NFIB: variants seen among roughly 807,000 people sequenced by gnomAD.
The protein encoded by NFIB is nuclear factor I B, also known as nuclear factor 1 B-type.
NFIB carries 11 observed loss-of-function variants against 61.5 expected under a neutral mutation model. The ratio of observed to expected loss-of-function variants is 0.18; its 90% CI spans 0.11 to 0.30. The LOEUF is 0.30. NFIB is among the 10% of genes least tolerant of loss of function. The pLI is 1.00. For synonymous variants in NFIB, 260 were observed against 216.5 expected, an observed-to-expected ratio of 1.20 and a Z score of -1.76; for missense variants, 471 against 608.9, an observed-to-expected ratio of 0.77 and a Z score of 2.38.
chr9:14,180,673 G>A (rs1301224962), intron 2 of NFIB: 1 of 152,082 alleles, frequency 6.6e-6, no homozygotes, highest in Non-Finnish European at 1.5e-5. Flanking sequence ...GAGTTGCTTT[G>A]TAATCTTCTT....
intron 4 of NFIB, among the ~76,000 whole-genome samples, chr9:14,150,658 G>T (rs1056293940): frequency 6.6e-6 from 1 of 151,848 alleles, no homozygotes; most frequent in African/African-American, 2.4e-5. Flanking sequence ...CTAGGCTCTC[G>T]AAAACCAAAT....
At chr9:14,164,057 C>G (rs750192795) in intron 3 of NFIB, among the ~76,000 whole-genome samples, 1 of 151,104 alleles carries the variant, frequency 6.6e-6, no homozygotes, top group Non-Finnish European at 1.5e-5. Context: ...GCATCACAAC[C>G]ACCCCAAAAA....
At chr9:14,276,026 T>C (rs1047240056) in intron 2 of NFIB, among the ~76,000 whole-genome samples, 1 of 152,134 alleles carries the variant, frequency 6.6e-6, no homozygotes, top group African/African-American at 2.4e-5. Flanking sequence ...TACCAATTTA[T>C]ACTGAAATAT....
chr9:14,349,280 G>A (rs1224988062), intron 1 of NFIB, among the ~76,000 whole-genome samples: 1 of 152,178 alleles, frequency 6.6e-6, no homozygotes, highest in Non-Finnish European at 1.5e-5. Flanking sequence ...GCTGGGCCCT[G>A]GGGCTGGAAG....
chr9:14,248,028 A>G (rs1228081489), intron 2 of NFIB, among the ~76,000 whole-genome samples: 1 of 149,976 alleles, frequency 6.7e-6, no homozygotes, highest in African/African-American at 2.5e-5. Context: ...GAACTCCTGG[A>G]CTCAAGCAAT....
rs1466091761 is a variant in NFIB at position 14,087,234 on chromosome 9, CTG to C, written c.*1073_*1074del. 4 of 203,232 alleles carry C rather than the reference CTG, an allele frequency of 2.0e-5. No individual in the cohort carries two copies. The highest frequency in any genetic ancestry group is 1.9e-4 in the South Asian group (1 of 5,248). The allele number at this position is 203,232 out of a possible 1,614,324, so 12.6% of individuals were successfully genotyped here. ...GGCTGCAGCTAAACCAACATAAGTGCTGTGTTTTCATTAATTTTATTTTTCTC... is the reference window on the plus strand; with the variant it reads ...GGCTGCAGCTAAACCAACATAAGTGCTGTTTTCATTAATTTTATTTTTCTC... On this transcript the variant is annotated 3_prime_UTR_variant, in exon 11 of 11. Transcript: ENST00000380953.
intron 2 of NFIB, among the ~76,000 whole-genome samples, chr9:14,256,722 C>T (rs1458479310): frequency 1.3e-5 from 2 of 152,140 alleles, no homozygotes; most frequent in African/African-American, 4.8e-5. Context: ...CCCAAAGTGA[C>T]AAGACCATTG....
chr9:14,406,132 C>T, the NFIB span, among the ~76,000 whole-genome samples: 1 of 152,124 alleles, frequency 6.6e-6, no homozygotes, highest in African/African-American at 2.4e-5. Flanking sequence ...GAAACTTTTA[C>T]ATAGTGGATC....
the NFIB span, among the ~76,000 whole-genome samples, chr9:14,493,637 G>T: frequency 1.3e-5 from 2 of 152,136 alleles, no homozygotes; most frequent in Non-Finnish European, 2.9e-5. Flanking sequence ...ACCCCACTCA[G>T]TGTAGGTGTC....
At chr9:14,509,738 T>C in the NFIB span, among the ~76,000 whole-genome samples, 3 of 152,126 alleles carry the variant, frequency 2.0e-5, no homozygotes, top group Admixed American at 1.3e-4. Context: ...TGGAGAAAGA[T>C]AGAATAGGGT....
the NFIB span, among the ~76,000 whole-genome samples, chr9:14,520,182 T>C: frequency 6.6e-6 from 1 of 152,202 alleles, no homozygotes; most frequent in Non-Finnish European, 1.5e-5. Flanking sequence ...GAAATACCCA[T>C]TCTATCTATC....
chr9:14,461,803 A>G, the NFIB span, among the ~76,000 whole-genome samples: 1 of 152,312 alleles, frequency 6.6e-6, no homozygotes, highest in South Asian at 2.1e-4. Context: ...CACTTATTCC[A>G]CCAGATCTTA....
intron 2 of NFIB, among the ~76,000 whole-genome samples, chr9:14,278,057 A>C (rs2058121572): frequency 6.6e-6 from 1 of 152,158 alleles, no homozygotes; most frequent in African/African-American, 2.4e-5. Context: ...CCAGCATCTT[A>C]CGACCATGAG....
chr9:14,232,992 C>T lies in NFIB; in HGVS notation c.563-53212G>A, dbSNP rs542577163. ...GGGACAGGTCAAGAGGGCGGGTCTG[C>T]CTCTGGCTTCCTCCTTCTTCTAACA... On this transcript the variant is annotated intron_variant, in intron 2 of 10. Coordinates refer to ENST00000380953, the MANE Select transcript of NFIB (RefSeq NM_001190737.2). Among the ~76,000 whole-genome samples, 7 of 152,236 alleles carry T rather than the reference C, an allele frequency of 4.6e-5. 1 individual carries two copies. The East Asian group carries it at 1.4e-3, about 29-fold the overall frequency.
At chr9:14,109,879 G>A (rs1270473946) in intron 10 of NFIB, among the ~76,000 whole-genome samples, 2 of 151,974 alleles carry the variant, frequency 1.3e-5, no homozygotes, top group African/African-American at 4.8e-5. Flanking sequence ...CTTTCTTCCA[G>A]TCAGAATAAA....
In NFIB at chr9:14,358,376, G is replaced by C. The variant is rs527693994; in HGVS notation, c.108+40148C>G. Among the ~76,000 whole-genome samples the C allele has an allele frequency of 1.8e-4, 27 of 152,144 alleles. No homozygotes were observed. In the South Asian group the frequency reaches 4.8e-3, roughly 27 times the overall value. On this transcript the variant is annotated intron_variant, in intron 1 of 8. Transcript: ENST00000380934. ...ATCACTTTGGGATAAATGTGTCCAG[G>C]CTTAAAAAGCCAGATTTTATGGGCT... is the stretch of plus-strand genomic sequence containing the variant.
At chr9:14,306,450 T>C (rs2060023195) in intron 2 of NFIB, among the ~76,000 whole-genome samples, 1 of 152,240 alleles carries the variant, frequency 6.6e-6, no homozygotes, top group Non-Finnish European at 1.5e-5. Context: ...TAAGATATAC[T>C]TTTGATATTA....
intron 2 of NFIB, among the ~76,000 whole-genome samples, chr9:14,289,145 T>TACAC (rs2058923800): frequency 6.7e-6 from 1 of 148,370 alleles, no homozygotes; most frequent in Non-Finnish European, 1.5e-5. Flanking sequence ...TATATACATA[T>TACAC]ATATATATTT....
intron 10 of NFIB, among the ~76,000 whole-genome samples, chr9:14,100,692 T>G (rs989180189): frequency 6.6e-6 from 1 of 152,232 alleles, no homozygotes; most frequent in Admixed American, 6.5e-5. Context: ...CCAGCCTGGT[T>G]GACAGAGCGA....
Sources: allele counts gnomAD v4.1 joint callset (sites outside exome capture counted in the v4.1 genomes callset), GRCh38; gene constraint gnomAD v4.1.1; transcripts MANE v1.5; gene names NCBI Gene and HGNC (gene_info 2026-07-23, HGNC 2026-07-21).